The following GMEB1 variants were observed in gnomAD, a reference collection of about 807,000 sequenced individuals.
GMEB1 encodes the protein glucocorticoid modulatory element binding protein 1, also known as glucocorticoid modulatory element-binding protein 1.
A neutral mutation model predicts 52.4 loss-of-function variants in GMEB1; 6 were observed. The observed-to-expected ratio is 0.11, with a 90% CI of 0.06 to 0.23. The LOEUF (loss-of-function observed/expected upper bound fraction) is 0.23, where lower values mean the gene tolerates loss of function less well. Among genes scored for constraint, GMEB1 ranks in the 10% least tolerant of loss-of-function variants. The pLI is 1.00. For missense variants in GMEB1, 486 were observed against 685.6 expected, an observed-to-expected ratio of 0.71 and a Z score of 3.25; for synonymous variants, 255 against 244.9, an observed-to-expected ratio of 1.04 and a Z score of -0.38.
intron 9 of GMEB1, among the ~76,000 whole-genome samples, chr1:28,713,157 C>G (rs868561764): frequency 1.4e-4 from 11 of 76,448 alleles, no homozygotes; most frequent in African/African-American, 6.3e-4. Context: ...GACTCCATCT[C>G]AAAAAAAAAA....
chr1:28,704,472 T>C (rs1670654474), intron 8 of GMEB1, 143 bp downstream of exon 8: 3 of 575,864 alleles, frequency 5.2e-6, no homozygotes, highest in Non-Finnish European at 8.3e-6. Flanking sequence ...TCATATAAGT[T>C]AAGTCACTTG....
intron 8 of GMEB1, among the ~76,000 whole-genome samples, chr1:28,710,297 GCCC>G (rs1670986604): frequency 6.6e-6 from 1 of 152,258 alleles, no homozygotes; most frequent in Middle Eastern, 3.4e-3. Flanking sequence ...GTGCCACCAT[GCCC>G]AGCCTGATCT....
intron 6 of GMEB1, among the ~76,000 whole-genome samples, chr1:28,702,096 C>G (rs1236224886): frequency 1.5e-4 from 23 of 152,074 alleles, no homozygotes; most frequent in Admixed American, 1.4e-3. Flanking sequence ...CTGGGGCTGG[C>G]AGGCTAGTAG....
chr1:28,697,857 C>T (rs7533961), intron 6 of GMEB1, among the ~76,000 whole-genome samples: 3 of 151,590 alleles, frequency 2.0e-5, no homozygotes, highest in Admixed American at 6.6e-5. Context: ...GTCAAGAGAT[C>T]GGCCAGGTGC....
chr1:28,690,905 G>A lies in GMEB1; in HGVS notation c.212-680G>A, dbSNP rs138251604. 6.4e-3 allele frequency among the ~76,000 whole-genome samples: 972 copies of A among 151,908 alleles called. 8 individuals are homozygous for A. Among genetic ancestry groups the A allele is most frequent in the African/African-American group, 0.022 (930 of 41,392 alleles). On this transcript the variant is annotated intron_variant, in intron 3 of 9. Coordinates refer to ENST00000373816, the MANE Select transcript of GMEB1 (RefSeq NM_001319674.2). ...CTGAGGCAGGAGATCCCTTGAACCC[G>A]GGAGGTGGAGGTTGCAGTGAGCCGA...
At chr1:28,687,364 ACACACACACAC>A (rs1669700723) in intron 2 of GMEB1, among the ~76,000 whole-genome samples, 2 of 56,882 alleles carry the variant, frequency 3.5e-5, no homozygotes, top group African/African-American at 1.4e-4. Flanking sequence ...ACACACACAC[ACACACACACAC>A]ACACACACAC....
intron 8 of GMEB1, among the ~76,000 whole-genome samples, chr1:28,708,983 A>C (rs909647560): frequency 1.3e-5 from 2 of 152,074 alleles, no homozygotes; most frequent in African/African-American, 4.8e-5. Context: ...ATGCAAAAAA[A>C]ATTAGCCTGG....
intron 2 of GMEB1, 120 bp downstream of exon 2, chr1:28,683,860 G>A: frequency 2.3e-6 from 2 of 885,076 alleles, no homozygotes; most frequent in South Asian, 3.1e-5. Flanking sequence ...AGCTGGCTCA[G>A]TTTTCATCTG....
chr1:28,693,270 G>A (rs1221610795), intron 5 of GMEB1, among the ~76,000 whole-genome samples: 2 of 151,480 alleles, frequency 1.3e-5, no homozygotes, highest in African/African-American at 2.4e-5. Context: ...TCAGGCTGGA[G>A]TGCAGTGGCA....
chr1:28,695,971 A>ATT (rs1242900512), intron 5 of GMEB1, among the ~76,000 whole-genome samples: 18 of 144,170 alleles, frequency 1.2e-4, no homozygotes, highest in African/African-American at 4.6e-4. Flanking sequence ...AAAAAAAAAA[A>ATT]AAATTTTCAG....
chr1:28,709,163 C>T (rs1264446748), intron 8 of GMEB1, among the ~76,000 whole-genome samples: 1 of 151,278 alleles, frequency 6.6e-6, no homozygotes, highest in East Asian at 1.9e-4. Context: ...AAAAATTAGC[C>T]AGGCATGGTG....
At chr1:28,701,029 C>T (rs1020526143) in intron 6 of GMEB1, among the ~76,000 whole-genome samples, 25 of 151,930 alleles carry the variant, frequency 1.6e-4, no homozygotes, top group East Asian at 1.9e-4. Context: ...ATGGGTTCCA[C>T]GGGGCTGACT....
intron 2 of GMEB1, among the ~76,000 whole-genome samples, chr1:28,684,663 C>G (rs185463026): frequency 2.0e-3 from 307 of 151,778 alleles, no homozygotes; most frequent in African/African-American, 6.9e-3. Context: ...ACTGAATGTT[C>G]TCACTCATAA....
chr1:28,699,765 T>TA (rs1380341764), intron 6 of GMEB1, among the ~76,000 whole-genome samples: 1 of 151,342 alleles, frequency 6.6e-6, no homozygotes, highest in Non-Finnish European at 1.5e-5. Context: ...TGCCTTGTCT[T>TA]ACGGTGCTGA....
chr1:28,718,756 C>G lies in GMEB1; in HGVS notation c.*3983C>G, dbSNP rs1671334277. On this transcript the variant is annotated 3_prime_UTR_variant, in exon 10 of 10. Transcript: ENST00000373816. ...GCTCTCCTTTACTGAGGTACTGAAA[C>G]AGATCCTACTGCGTAAGTGCTGTGT... The G allele has an allele frequency of 1.3e-5, 2 of 152,098 alleles. No homozygotes were observed. The highest frequency in any genetic ancestry group is 4.1e-4 in the South Asian group (2 of 4,824). 9.4% of individuals were successfully genotyped at this position (152,098 alleles called of 1,614,324 possible). A position where few individuals can be genotyped will look rare whatever the true frequency, so the allele number is the denominator to read the frequency against.
rs201524415 is a variant in GMEB1, at chr1:28,672,197, TTTTATTTATTTATTTATTTA to T, written c.-31+3378_-31+3397del. On this transcript the variant is annotated intron_variant, in intron 1 of 9. Transcript: ENST00000373816. Reference sequence around the variant, plus strand: ...TTTTACTTTTTTTTTTAACTTTTATTTTTATTTATTTATTTATTTATTTATTTATTTATTTATTTTTGAGA... The same window carrying T: ...TTTTACTTTTTTTTTTAACTTTTATTTTTATTTATTTATTTATTTTTGAGA... Among the ~76,000 whole-genome samples, 4 of 136,078 alleles carry T rather than the reference TTTTATTTATTTATTTATTTA, an allele frequency of 2.9e-5. No homozygotes were observed. The East Asian group carries it at 6.4e-4, about 22-fold the overall frequency. 89.3% of individuals were successfully genotyped at this position (136,078 alleles called of 152,430 possible). A position where few individuals can be genotyped will look rare whatever the true frequency, so the allele number is the denominator to read the frequency against.
chr1:28,672,885 C>T (rs1467298534), intron 1 of GMEB1, among the ~76,000 whole-genome samples: 1 of 151,372 alleles, frequency 6.6e-6, no homozygotes. Flanking sequence ...ACTACAGGCA[C>T]ATGCCACCAT....
chr1:28,676,163 A>G (rs1041065585), intron 1 of GMEB1, among the ~76,000 whole-genome samples: 44 of 152,206 alleles, frequency 2.9e-4, no homozygotes, highest in African/African-American at 1.1e-3. Context: ...GAAGTTAGTC[A>G]ACCATCTATT....
chr1:28,684,227 A>G (rs763603352), intron 2 of GMEB1, among the ~76,000 whole-genome samples: 3 of 151,980 alleles, frequency 2.0e-5, no homozygotes, highest in African/African-American at 4.8e-5. Flanking sequence ...ATTTAACCCA[A>G]TATACCCAGC....
Sources: allele counts gnomAD v4.1 joint callset (sites outside exome capture counted in the v4.1 genomes callset), GRCh38; gene constraint gnomAD v4.1.1; transcripts MANE v1.5; gene names NCBI Gene and HGNC (gene_info 2026-07-23, HGNC 2026-07-21).